APP: variants seen among roughly 807,000 people sequenced by gnomAD.
APP encodes amyloid-beta precursor protein.
APP carries 31 observed loss-of-function variants against 101.4 expected under a neutral mutation model. The ratio of observed to expected loss-of-function variants is 0.31; its 90% confidence interval spans 0.23 to 0.41. The LOEUF (loss-of-function observed/expected upper bound fraction) is 0.41, where lower values mean the gene tolerates loss of function less well. Among genes scored for constraint, APP ranks in the 10% least tolerant of loss-of-function variants. The pLI, the probability that APP is intolerant of heterozygous loss-of-function variation, is 1.00. For synonymous variants in APP, 366 were observed against 364.4 expected, an observed-to-expected ratio of 1.00 and a Z score of -0.05; for missense variants, 839 against 1,003.7, an observed-to-expected ratio of 0.84 and a Z score of 2.22.
chr21:25,957,694 TA>T (rs2041383871), intron 11 of APP, among the ~76,000 whole-genome samples: 1 of 148,918 alleles, frequency 6.7e-6, no homozygotes, highest in African/African-American at 2.5e-5. Flanking sequence ...AGAGTTTAAA[TA>T]AGAAAAAAAA....
At chr21:26,138,990 G>A (rs1014994545) in intron 1 of APP, among the ~76,000 whole-genome samples, 7 of 152,054 alleles carry the variant, frequency 4.6e-5, no homozygotes, top group African/African-American at 9.7e-5. Flanking sequence ...GTGGGGCGGG[G>A]AATTGTGACA....
At chr21:26,028,860 T>C (rs894621968) in intron 5 of APP, among the ~76,000 whole-genome samples, 2 of 152,006 alleles carry the variant, frequency 1.3e-5, no homozygotes, top group Admixed American at 6.6e-5. Context: ...AAAAGTACTA[T>C]AGGGAAAGGA....
chr21:26,088,011 G>GT (rs2061738166), intron 3 of APP, among the ~76,000 whole-genome samples: 1 of 151,852 alleles, frequency 6.6e-6, no homozygotes, highest in Non-Finnish European at 1.5e-5. Context: ...GTTTGTTTTT[G>GT]TTTTTTTAAG....
intron 5 of APP, among the ~76,000 whole-genome samples, chr21:26,046,909 T>C (rs1317708133): frequency 3.3e-5 from 5 of 152,188 alleles, no homozygotes; most frequent in Non-Finnish European, 5.9e-5. Context: ...TTACCCACGA[T>C]GGCTGGAGTC....
chr21:25,984,653 G>A (rs922443542), intron 8 of APP, among the ~76,000 whole-genome samples: 1 of 152,068 alleles, frequency 6.6e-6, no homozygotes, highest in Middle Eastern at 3.2e-3. Context: ...TGCATTTCAA[G>A]TTCCCAACTT....
At chr21:26,121,166 AG>A (rs1327603784) in intron 1 of APP, among the ~76,000 whole-genome samples, 1 of 152,322 alleles carries the variant, frequency 6.6e-6, no homozygotes, top group East Asian at 1.9e-4. Context: ...TTAAAGCCTC[AG>A]TTATCACCTG....
At chr21:25,911,016 T>C (rs538059544) in intron 14 of APP, among the ~76,000 whole-genome samples, 1 of 152,346 alleles carries the variant, frequency 6.6e-6, no homozygotes, top group East Asian at 1.9e-4. Context: ...TTCTAGGTCA[T>C]TACGTCATAA....
intron 15 of APP, among the ~76,000 whole-genome samples, chr21:25,902,056 T>C (rs2829978): frequency 0.028 from 4,188 of 152,248 alleles, 194 homozygotes; most frequent in African/African-American, 0.096. Flanking sequence ...ACCACTGTTA[T>C]TACAATGGTC....
At chr21:26,038,689 A>G (rs959684831) in intron 5 of APP, among the ~76,000 whole-genome samples, 4 of 152,234 alleles carry the variant, frequency 2.6e-5, no homozygotes, top group Non-Finnish European at 4.4e-5. Context: ...GCTTGAACTC[A>G]GGAGACGGAG....
intron 14 of APP, among the ~76,000 whole-genome samples, chr21:25,909,588 T>A (rs532472551): frequency 3.1e-4 from 47 of 152,330 alleles, no homozygotes; most frequent in Middle Eastern, 3.4e-3. Context: ...TGTATGTGTG[T>A]GTGTGTACAT....
chr21:26,118,372 A>G (rs45558136), intron 1 of APP, among the ~76,000 whole-genome samples: 30 of 152,336 alleles, frequency 2.0e-4, no homozygotes, highest in African/African-American at 7.0e-4. Context: ...ACAGTTTACA[A>G]TCTAGTCAAT....
intron 8 of APP, among the ~76,000 whole-genome samples, chr21:25,988,798 C>T (rs369603747): frequency 1.1e-4 from 16 of 151,124 alleles, no homozygotes; most frequent in African/African-American, 1.5e-4. Context: ...CCTTCCCACA[C>T]GAGAAGGGTC....
At chr21:25,913,429 C>T (rs1464583841) in intron 13 of APP, among the ~76,000 whole-genome samples, 1 of 152,188 alleles carries the variant, frequency 6.6e-6, no homozygotes, top group Non-Finnish European at 1.5e-5. Context: ...CATTAGATTT[C>T]CTCCAACTTT....
In APP at chr21:26,051,171, T is replaced by C. The variant is rs1231783932; in HGVS notation, c.491A>G (p.Asn164Ser). The C allele has an allele frequency of 1.2e-6, 2 of 1,614,020 alleles. No individual in the cohort carries two copies. Among genetic ancestry groups the C allele is most frequent in the Non-Finnish European group, 1.7e-6 (2 of 1,179,960 alleles). ...CAGCAACATGCCGTAGTCATGCAAG[T>C]TGGTACTCTTCTCACTGCATGTCTA... ...AKETCSEKST[N>S]LHDYGMLLPC... The change falls in exon 5 of 18, where the codon AAC becomes AGC. Residue 164 changes from asparagine (N) to serine (S), a missense_variant. By Grantham distance (46) the Asn-to-Ser change is conservative (BLOSUM62 1). Transcript: ENST00000346798.
At chr21:26,062,274 C>G (rs2046301019) in intron 3 of APP, among the ~76,000 whole-genome samples, 1 of 149,606 alleles carries the variant, frequency 6.7e-6, no homozygotes, top group African/African-American at 2.5e-5. Context: ...AGTGTTTAAC[C>G]CAGGCTCTGA....
At chr21:26,053,857 A>AAG (rs1156859055) in intron 3 of APP, among the ~76,000 whole-genome samples, 2 of 152,118 alleles carry the variant, frequency 1.3e-5, no homozygotes, top group African/African-American at 4.8e-5. Flanking sequence ...TAACACACAT[A>AAG]AGAGAGAGAG....
chr21:26,154,763 T>C (rs921876776), intron 1 of APP, among the ~76,000 whole-genome samples: 1 of 152,222 alleles, frequency 6.6e-6, no homozygotes, highest in Non-Finnish European at 1.5e-5. Context: ...CTCCAGATAT[T>C]ACTTTCTTCA....
At chr21:26,096,156 A>C (rs1443102867) in intron 2 of APP, among the ~76,000 whole-genome samples, 1 of 152,242 alleles carries the variant, frequency 6.6e-6, no homozygotes, top group East Asian at 1.9e-4. Flanking sequence ...GGGTCCCCCC[A>C]CATGGACAAA....
chr21:26,121,741 ACAGTGAGTTTTCTAGAGTTTAAGG>A (rs1213561071), intron 1 of APP, among the ~76,000 whole-genome samples: 8 of 152,248 alleles, frequency 5.3e-5, no homozygotes, highest in African/African-American at 1.9e-4. Flanking sequence ...TTACAGCACT[ACAGTGAGTTTTCTAGAGTTTAAGG>A]CTTACGCTAA....
Sources: allele counts gnomAD v4.1 joint callset (sites outside exome capture counted in the v4.1 genomes callset), GRCh38; gene constraint gnomAD v4.1.1; transcripts MANE v1.5; gene names NCBI Gene and HGNC (gene_info 2026-07-23, HGNC 2026-07-21).